NUMB: variants seen among roughly 807,000 people sequenced by gnomAD.
NUMB encodes the protein protein numb homolog.
Under a neutral mutation model 59.7 loss-of-function variants are expected in NUMB, and 29 were observed. The observed-to-expected ratio is 0.49, with a 90% CI of 0.36 to 0.66. NUMB has a LOEUF of 0.66. Ranked by LOEUF, NUMB falls within the 30% of genes least tolerant of loss-of-function variation. The probability of loss-of-function intolerance (pLI) is 0.00; values close to 1 mark genes in which losing one functional copy is unlikely to be tolerated. For missense variants in NUMB, 723 were observed against 822.0 expected, an observed-to-expected ratio of 0.88 and a Z score of 1.47; for synonymous variants, 288 against 288.2, an observed-to-expected ratio of 1.00 and a Z score of 0.01.
At chr14:73,328,348 A>G (rs759685403) in intron 4 of NUMB, among the ~76,000 whole-genome samples, 2 of 152,102 alleles carry the variant, frequency 1.3e-5, no homozygotes, top group Non-Finnish European at 2.9e-5. Flanking sequence ...ATTTCATCAT[A>G]TGCATATATC....
rs1891487999 is a variant in NUMB at position 73,323,047 on chromosome 14, G to A, written c.201+83C>T. The A allele has an allele frequency of 6.1e-6, 6 of 981,948 alleles. No individual in the cohort carries two copies. The Admixed American group carries it at 8.6e-5, about 14-fold the overall frequency. The allele number at this position is 981,948 out of a possible 1,614,324, so 60.8% of individuals were successfully genotyped here. ...TTTAACAGAAACACAGTTTTTACTGGGTCACTAAAATGTACTGAGCAAAAT... is the reference window on the plus strand; with the variant it reads ...TTTAACAGAAACACAGTTTTTACTGAGTCACTAAAATGTACTGAGCAAAAT... On this transcript the variant is annotated intron_variant, in intron 5 of 12. Transcript: ENST00000555238.
Position 73,367,294 on chromosome 14 carries a change from TATACACAC to T in NUMB, c.-100-321_-100-314del, listed in dbSNP as rs1378193969. 6.8e-5 allele frequency among the ~76,000 whole-genome samples: 8 copies of T among 116,814 alleles called. No individual in the cohort carries two copies. The East Asian group carries it at 8.9e-4, about 13-fold the overall frequency. 76.6% of individuals were successfully genotyped at this position (116,814 alleles called of 152,430 possible). A position where few individuals can be genotyped will look rare whatever the true frequency, so the allele number is the denominator to read the frequency against. ...AAATAAAATACTATATATATATATATATACACACACACACACACACACACACACATATA... is the reference window on the plus strand; with the variant it reads ...AAATAAAATACTATATATATATATATACACACACACACACACACACATATA... On this transcript the variant is annotated intron_variant, in intron 2 of 12. Coordinates refer to ENST00000555238, the MANE Select transcript of NUMB (RefSeq NM_001005743.2).
At chr14:73,300,027 C>G (rs1015412763) in intron 6 of NUMB, among the ~76,000 whole-genome samples, 7 of 152,050 alleles carry the variant, frequency 4.6e-5, no homozygotes, top group Admixed American at 2.0e-4. Context: ...AATAGGGTAA[C>G]AATTAGTAGC....
chr14:73,419,961 G>A (rs1277798227), intron 1 of NUMB, among the ~76,000 whole-genome samples: 2 of 152,174 alleles, frequency 1.3e-5, no homozygotes, highest in Non-Finnish European at 2.9e-5. Flanking sequence ...TGCCTCCCAG[G>A]TTCAAATGAT....
intron 1 of NUMB, among the ~76,000 whole-genome samples, chr14:73,440,203 A>G (rs1667581677): frequency 2.9e-5 from 1 of 35,032 alleles, no homozygotes; most frequent in East Asian, 2.9e-4. Flanking sequence ...ATCCATATAT[A>G]TATATGGATA....
At chr14:73,348,334 T>C (rs1323030805) in intron 4 of NUMB, among the ~76,000 whole-genome samples, 1 of 152,126 alleles carries the variant, frequency 6.6e-6, no homozygotes, top group African/African-American at 2.4e-5. Flanking sequence ...CAAAAAGCCA[T>C]TTGGAAAGGA....
At chr14:73,395,779 C>G (rs1896100951) in intron 2 of NUMB, among the ~76,000 whole-genome samples, 1 of 152,112 alleles carries the variant, frequency 6.6e-6, no homozygotes, top group Non-Finnish European at 1.5e-5. Flanking sequence ...ATTAGGTGTT[C>G]TACAGGCAAT....
At position 73,277,282 on chromosome 14, in the gene NUMB, C is replaced by A. The variant is rs373974311; in HGVS notation, c.1252G>T (p.Gly418Cys). 45 of 1,597,110 alleles carry A rather than the reference C, an allele frequency of 2.8e-5. No individual in the cohort carries two copies. Among genetic ancestry groups the A allele is most frequent in the Middle Eastern group, 1.7e-4 (1 of 6,020 alleles). ...GGAGAGGCAGCACCAGAAGATTGAC[C>A]CCACTCGGTCCCTGGAACCAACAAG... is the stretch of plus-strand genomic sequence containing the variant. ...IAATCSGTEW[G>C]QSSGAASPGL... The change falls in exon 13 of 13, where the codon GGT becomes TGT. Residue 418 changes from glycine (G) to cysteine (C), a missense_variant. By Grantham distance (159) the Gly-to-Cys change is radical. Around this residue, in one of 2 missense-constraint regions of NUMB, gnomAD observed 406 missense variants for 385.4 expected, o/e 1.05. Coordinates refer to ENST00000555238, the MANE Select transcript of NUMB (RefSeq NM_001005743.2).
At position 73,324,669 on chromosome 14, in the gene NUMB, G is replaced by A. The variant is rs185678478; in HGVS notation, c.127-1465C>T. ...TTCAAGGTCTGGTTGCAGGTAATAC[G>A]GAGTAGACACACTACACCCTGTCCT... On this transcript the variant is annotated intron_variant, in intron 4 of 12. Transcript: ENST00000555238. Among the ~76,000 whole-genome samples, 6 of 151,668 alleles carry A rather than the reference G, an allele frequency of 4.0e-5. No individual in the cohort carries two copies. The East Asian group carries it at 7.8e-4, about 20-fold the overall frequency.
At chr14:73,401,682 G>A (rs138623125) in intron 2 of NUMB, among the ~76,000 whole-genome samples, 19 of 145,306 alleles carry the variant, frequency 1.3e-4, no homozygotes, top group African/African-American at 4.9e-4. Context: ...TCATTCTCCT[G>A]CCTCAGCCTC....
At chr14:73,440,572 G>C (rs766435699) in intron 1 of NUMB, among the ~76,000 whole-genome samples, 6 of 151,884 alleles carry the variant, frequency 4.0e-5, no homozygotes, top group Non-Finnish European at 8.8e-5. Context: ...TCGGCCAGGG[G>C]AGGTGACTCA....
At chr14:73,331,533 G>A (rs1412572266) in intron 4 of NUMB, among the ~76,000 whole-genome samples, 2 of 152,066 alleles carry the variant, frequency 1.3e-5, no homozygotes, top group Admixed American at 1.3e-4. Context: ...GGGCAACAGA[G>A]CAAGACTCCG....
rs377751469 is a variant in NUMB, at chr14:73,277,127, A to C, written c.1407T>G (p.Pro469=). Residue 469 remains proline (P), a synonymous_variant, in exon 13 of 13, where the codon CCT becomes CCG. Coordinates refer to ENST00000555238, the MANE Select transcript of NUMB (RefSeq NM_001005743.2). ...SAAPLQPVLQ[P]PPPTAISQPA... is the part of the protein sequence containing the mutation. ...GCTGGGAGATGGCAGTGGGTGGAGG[A>C]GGCTGGAGAACTGGCTGCAGAGGAG... 7.9e-5 allele frequency: 128 copies of C among 1,613,818 alleles called. No homozygotes were observed. Among genetic ancestry groups the C allele is most frequent in the East Asian group, 1.1e-4 (5 of 44,886 alleles).
At chr14:73,440,212 T>C (rs1471021002) in intron 1 of NUMB, among the ~76,000 whole-genome samples, 2 of 130,290 alleles carry the variant, frequency 1.5e-5, no homozygotes, top group African/African-American at 3.7e-5. Flanking sequence ...TATATATGGA[T>C]ATCCATATAT....
chr14:73,358,368 G>A (rs1425252216), intron 3 of NUMB, among the ~76,000 whole-genome samples: 1 of 152,148 alleles, frequency 6.6e-6, no homozygotes, highest in Non-Finnish European at 1.5e-5. Context: ...TCAAATGCAT[G>A]GTAAACACAG....
chr14:73,386,496 G>A (rs1895528656), intron 2 of NUMB, among the ~76,000 whole-genome samples: 1 of 151,892 alleles, frequency 6.6e-6, no homozygotes, highest in African/African-American at 2.4e-5. Flanking sequence ...TCAGTTTTCT[G>A]CTCTAGTGGG....
intron 2 of NUMB, among the ~76,000 whole-genome samples, chr14:73,386,531 T>G (rs749635652): frequency 4.6e-5 from 7 of 152,228 alleles, no homozygotes; most frequent in Non-Finnish European, 1.0e-4. Context: ...GTTCTCTTAT[T>G]GGAATACAGT....
At chr14:73,292,279 G>T (rs945887524) in intron 8 of NUMB, among the ~76,000 whole-genome samples, 2 of 152,038 alleles carry the variant, frequency 1.3e-5, no homozygotes, top group African/African-American at 4.8e-5. Flanking sequence ...CCAACTTGTG[G>T]TCTCAAGTGA....
chr14:73,404,263 T>TAAC (rs540384952), intron 2 of NUMB, among the ~76,000 whole-genome samples: 2 of 131,932 alleles, frequency 1.5e-5, no homozygotes, highest in Non-Finnish European at 3.0e-5. Flanking sequence ...AAAGGTAAAA[T>TAAC]AATAATAATA....
Sources: allele counts gnomAD v4.1 joint callset (sites outside exome capture counted in the v4.1 genomes callset), GRCh38; gene constraint gnomAD v4.1.1; regional missense constraint gnomAD v4.1.1; transcripts MANE v1.5; gene names NCBI Gene and HGNC (gene_info 2026-07-23, HGNC 2026-07-21).